Variants in TSPAN5 observed in about 807,000 individuals in gnomAD.
TSPAN5 encodes tetraspanin 5, also known as tetraspanin-5.
TSPAN5 carries 10 observed loss-of-function variants against 37.1 expected under a neutral mutation model. The observed-to-expected ratio is 0.27, with a 90% CI of 0.17 to 0.46. TSPAN5 has a LOEUF of 0.46. Ranked by LOEUF, TSPAN5 falls within the 20% of genes least tolerant of loss-of-function variation. The pLI, the probability that TSPAN5 is intolerant of heterozygous loss-of-function variation, is 1.00. For synonymous variants in TSPAN5, 110 were observed against 118.9 expected, an observed-to-expected ratio of 0.93 and a Z score of 0.48; for missense variants, 195 against 326.6, an observed-to-expected ratio of 0.60 and a Z score of 3.11.
intron 1 of TSPAN5, among the ~76,000 whole-genome samples, chr4:98,583,934 C>T (rs1158399424): frequency 1.3e-5 from 2 of 152,142 alleles, no homozygotes; most frequent in African/African-American, 4.8e-5. Flanking sequence ...CACACAAATA[C>T]AGAGAATCTG....
At position 98,626,549 on chromosome 4, in the gene TSPAN5, G is replaced by C. The variant is rs562130936; in HGVS notation, c.81+31597C>G. ...TCCTACCACTCTCCTCTCCCCTCCT[G>C]CTTGGCTCCAGCCACCAGACCGCCT... is the stretch of plus-strand genomic sequence containing the variant. On this transcript the variant is annotated intron_variant, in intron 1 of 7. Coordinates refer to ENST00000305798, the MANE Select transcript of TSPAN5 (RefSeq NM_005723.4). 7.9e-5 allele frequency among the ~76,000 whole-genome samples: 12 copies of C among 151,820 alleles called. No homozygotes were observed. The East Asian group carries it at 1.2e-3, about 15-fold the overall frequency.
At chr4:98,603,752 C>G (rs985389452) in intron 1 of TSPAN5, among the ~76,000 whole-genome samples, 9 of 152,146 alleles carry the variant, frequency 5.9e-5, no homozygotes, top group Non-Finnish European at 1.2e-4. Context: ...GTTACAGATG[C>G]TCATCTCCTT....
chr4:98,631,708 A>C (rs763953758), intron 1 of TSPAN5, among the ~76,000 whole-genome samples: 1 of 152,114 alleles, frequency 6.6e-6, no homozygotes. Context: ...GTGGTGTCAT[A>C]AAAACCCCTT....
intron 2 of TSPAN5, among the ~76,000 whole-genome samples, chr4:98,498,506 C>A (rs1203251418): frequency 6.6e-6 from 1 of 152,182 alleles, no homozygotes; most frequent in Non-Finnish European, 1.5e-5. Flanking sequence ...CCCAACCACA[C>A]CCCACCTCCA....
chr4:98,647,331 CT>C (rs1472765304), intron 1 of TSPAN5, among the ~76,000 whole-genome samples: 1 of 152,112 alleles, frequency 6.6e-6, no homozygotes, highest in African/African-American at 2.4e-5. Flanking sequence ...GTTAAGGCTG[CT>C]TGGGGGGAAA....
At chr4:98,542,486 TG>T (rs1253801743) in intron 1 of TSPAN5, among the ~76,000 whole-genome samples, 4 of 150,782 alleles carry the variant, frequency 2.7e-5, no homozygotes, top group African/African-American at 9.8e-5. Flanking sequence ...GAGGCAGAGG[TG>T]GCAGGATCGC....
chr4:98,495,499 T>G (rs1241476797), intron 2 of TSPAN5, among the ~76,000 whole-genome samples: 12 of 135,976 alleles, frequency 8.8e-5, no homozygotes, highest in Admixed American at 1.6e-4. Context: ...GAAACTGCAC[T>G]ACAGCCCGGG....
At chr4:98,486,656 G>A (rs1752965697) in intron 3 of TSPAN5, 82 bp downstream of exon 3, 1 of 1,532,974 alleles carries the variant, frequency 6.5e-7, no homozygotes, top group African/African-American at 1.4e-5. Flanking sequence ...ACAGCTCACT[G>A]TCTTGCCTGT....
At chr4:98,502,819 CT>C (rs1753384872) in intron 2 of TSPAN5, among the ~76,000 whole-genome samples, 1 of 151,636 alleles carries the variant, frequency 6.6e-6, no homozygotes, top group South Asian at 2.1e-4. Flanking sequence ...GGGCTCTGTC[CT>C]TGGCCTGCTC....
chr4:98,604,000 G>A lies in TSPAN5; in HGVS notation c.81+54146C>T, dbSNP rs576488377. ...ATTACTTTGGTCATTTTGAACGACC[G>A]CTCTATTGGACTGCCATTTCCTTTT... is the stretch of plus-strand genomic sequence containing the variant. On this transcript the variant is annotated intron_variant, in intron 1 of 7. Coordinates refer to ENST00000305798, the MANE Select transcript of TSPAN5 (RefSeq NM_005723.4). Among the ~76,000 whole-genome samples the A allele has an allele frequency of 3.9e-5, 6 of 152,180 alleles. No individual in the cohort carries two copies. The South Asian group carries it at 8.3e-4, about 21-fold the overall frequency.
At chr4:98,541,306 T>C (rs980282696) in intron 1 of TSPAN5, among the ~76,000 whole-genome samples, 1 of 152,194 alleles carries the variant, frequency 6.6e-6, no homozygotes, top group Admixed American at 6.5e-5. Context: ...TGGCAAACTC[T>C]GAGAGGCTCA....
At chr4:98,590,168 T>G (rs1755591634) in intron 1 of TSPAN5, among the ~76,000 whole-genome samples, 1 of 152,076 alleles carries the variant, frequency 6.6e-6, no homozygotes, top group Non-Finnish European at 1.5e-5. Flanking sequence ...GGTCCCAAAC[T>G]CTTATCATCT....
intron 1 of TSPAN5, 97 bp from the exon 2 acceptor site, chr4:98,507,825 G>T (rs1233945619): frequency 1.2e-6 from 1 of 842,912 alleles, no homozygotes; most frequent in Non-Finnish European, 1.9e-6. Flanking sequence ...TACCTGGCTG[G>T]GAAATAGCTT....
chr4:98,492,908 C>T (rs1413533934), intron 2 of TSPAN5, among the ~76,000 whole-genome samples: 1 of 152,080 alleles, frequency 6.6e-6, no homozygotes. Context: ...CTTTTAAAAC[C>T]TCAAACACGG....
intron 1 of TSPAN5, among the ~76,000 whole-genome samples, chr4:98,559,487 T>TAAAC (rs1254350859): frequency 6.6e-6 from 1 of 152,210 alleles, no homozygotes; most frequent in East Asian, 1.9e-4. Context: ...CAAGAGGGTT[T>TAAAC]AAGCCTTTCT....
In TSPAN5 at chr4:98,658,491, G is replaced by C. The variant is rs555626228; in HGVS notation, c.-265C>G. On this transcript the variant is annotated 5_prime_UTR_variant, in exon 1 of 8. Transcript: ENST00000305798. The stretch of plus-strand genomic sequence containing the variant: ...CGCTGCAAGCTCAAGCCTCGCCGAC[G>C]CTAGCCCCGAACACAAAGCGAGCGC... 1 of 241,800 alleles carries C rather than the reference G, an allele frequency of 4.1e-6. No homozygotes were observed. The highest frequency in any genetic ancestry group is 5.7e-5 in the Admixed American group (1 of 17,660). 15.0% of individuals were successfully genotyped at this position (241,800 alleles called of 1,614,324 possible).
chr4:98,570,313 C>T (rs1431100987), intron 1 of TSPAN5, among the ~76,000 whole-genome samples: 1 of 152,150 alleles, frequency 6.6e-6, no homozygotes, highest in Non-Finnish European at 1.5e-5. Context: ...AATAAAGGTA[C>T]ATGCCAGATC....
chr4:98,625,724 T>G (rs1361282569), intron 1 of TSPAN5, among the ~76,000 whole-genome samples: 2 of 152,222 alleles, frequency 1.3e-5, no homozygotes, highest in African/African-American at 4.8e-5. Flanking sequence ...AATTGCTTCT[T>G]TATGAATGAA....
intron 1 of TSPAN5, among the ~76,000 whole-genome samples, chr4:98,592,681 G>T (rs1162812709): frequency 1.5e-4 from 22 of 146,202 alleles, no homozygotes; most frequent in African/African-American, 2.0e-4. Flanking sequence ...GTGAGAATAT[G>T]CGGTGTTTGG....
Sources: gnomAD v4.1 joint callset for allele counts (sites outside exome capture counted in the v4.1 genomes callset) on GRCh38, gnomAD v4.1.1 for gene constraint, MANE v1.5 for transcripts, NCBI Gene and HGNC (gene_info 2026-07-23, HGNC 2026-07-21) for gene names.